The following DEPTOR variants were observed in gnomAD, a reference collection of about 807,000 sequenced individuals.
DEPTOR encodes the protein DEP domain-containing mTOR-interacting protein.
DEPTOR carries 41 observed loss-of-function variants against 41.6 expected under a neutral mutation model. The observed-to-expected ratio is 0.98, with a 90% CI of 0.77 to 1.28. DEPTOR has a LOEUF of 1.28. DEPTOR is among the 50% of genes most tolerant of loss of function. The pLI is 0.00. For missense variants in DEPTOR, 514 were observed against 527.9 expected (o/e 0.97, Z 0.26); for synonymous variants, 195 against 192.3 (o/e 1.01, Z -0.12).
chr8:120,035,496 G>A (rs1409763609), intron 8 of DEPTOR, among the ~76,000 whole-genome samples: 2 of 152,162 alleles, frequency 1.3e-5, no homozygotes, highest in African/African-American at 4.8e-5. Context: ...TTAGGTGATA[G>A]ATACCTTTCC....
At chr8:119,957,955 T>C (rs1051412622) in intron 3 of DEPTOR, among the ~76,000 whole-genome samples, 1 of 152,184 alleles carries the variant, frequency 6.6e-6, no homozygotes, top group Non-Finnish European at 1.5e-5. Flanking sequence ...GTTTATTCCC[T>C]GGAACTTCAG....
At position 119,964,235 on chromosome 8, in the gene DEPTOR, C is replaced by A. The variant is rs925562823; in HGVS notation, c.426-997C>A. Among the ~76,000 whole-genome samples, 8 of 152,060 alleles carry A rather than the reference C, an allele frequency of 5.3e-5. 1 individual carries two copies. Among genetic ancestry groups the A allele is most frequent in the South Asian group, 4.1e-4 (2 of 4,824 alleles). ...TTCACCATATGTAATTAGCACGGAC[C>A]GCTGGGCACGGTGGCTCACGCTGGT... On this transcript the variant is annotated intron_variant, in intron 3 of 8. Coordinates refer to ENST00000286234, the MANE Select transcript of DEPTOR (RefSeq NM_022783.4).
chr8:120,012,226 C>T (rs941399435), intron 8 of DEPTOR, among the ~76,000 whole-genome samples: 2 of 152,156 alleles, frequency 1.3e-5, no homozygotes, highest in African/African-American at 4.8e-5. Flanking sequence ...TAAAGTCATA[C>T]ACCACTTAAT....
At position 120,003,067 on chromosome 8, in the gene DEPTOR, CCA is replaced by C; in HGVS notation, c.883_884del (p.Thr295ProfsTer22). 1 of 1,612,986 alleles carries C rather than the reference CCA, an allele frequency of 6.2e-7. No homozygotes were observed. Among genetic ancestry groups the C allele is most frequent in the Non-Finnish European group, 8.5e-7 (1 of 1,179,838 alleles). ...AGCAGCGGCTACTTCAGCAGCAGCC[CCA>C]CCCTCAGCAGCAGCCCCCCTGTGCT... On this transcript the variant is annotated frameshift_variant, in exon 6 of 9. Transcript: ENST00000286234. LOFTEE classifies it high-confidence loss of function.
intron 3 of DEPTOR, among the ~76,000 whole-genome samples, chr8:119,961,536 G>T (rs1828492728): frequency 6.6e-6 from 1 of 152,080 alleles, no homozygotes; most frequent in South Asian, 2.1e-4. Flanking sequence ...GTTGGGCTCT[G>T]AGTCTAAAAG....
chr8:119,970,105 G>A (rs917594265), intron 4 of DEPTOR, among the ~76,000 whole-genome samples: 4 of 150,870 alleles, frequency 2.7e-5, no homozygotes, highest in African/African-American at 9.8e-5. Context: ...GTGTATTTAT[G>A]TGGATATATA....
At chr8:119,981,652 C>CA (rs33975978) in intron 4 of DEPTOR, among the ~76,000 whole-genome samples, 54,029 of 136,774 alleles carry the variant, frequency 0.4, 11,108 homozygotes, top group East Asian at 0.52. Context: ...GACCCTATCT[C>CA]AAAAAAAAAA....
At chr8:119,916,866 G>A (rs572019017) in intron 1 of DEPTOR, among the ~76,000 whole-genome samples, 13 of 152,296 alleles carry the variant, frequency 8.5e-5, no homozygotes, top group African/African-American at 1.2e-4. Flanking sequence ...TTATTTGGTC[G>A]GTTGTTTGTT....
chr8:119,994,442 C>G (rs190933221), intron 4 of DEPTOR, among the ~76,000 whole-genome samples: 4 of 152,304 alleles, frequency 2.6e-5, no homozygotes, highest in Admixed American at 2.6e-4. Flanking sequence ...AATCTAGTTA[C>G]TTCCCAAACC....
chr8:119,919,866 C>T (rs1827867860), intron 1 of DEPTOR, among the ~76,000 whole-genome samples: 1 of 152,244 alleles, frequency 6.6e-6, no homozygotes. Flanking sequence ...CCACAGTTCT[C>T]TGCAAGCTAT....
chr8:120,023,706 A>AT (rs1812756712), intron 8 of DEPTOR, among the ~76,000 whole-genome samples: 1 of 151,710 alleles, frequency 6.6e-6, no homozygotes, highest in Non-Finnish European at 1.5e-5. Flanking sequence ...AGTATTTTGG[A>AT]TTTTTTTGTT....
chr8:119,918,784 A>G (rs2129813651), intron 1 of DEPTOR, among the ~76,000 whole-genome samples: 1 of 151,870 alleles, frequency 6.6e-6, no homozygotes, highest in Admixed American at 6.6e-5. Flanking sequence ...AGTAGTGACA[A>G]GGTTTCTCCA....
chr8:119,976,115 C>G (rs1828694151), intron 4 of DEPTOR, among the ~76,000 whole-genome samples: 1 of 151,772 alleles, frequency 6.6e-6, no homozygotes, highest in Admixed American at 6.6e-5. Context: ...ACCTGCCTGG[C>G]CCTCCCAAAA....
At chr8:119,909,178 A>G (rs952017481) in intron 1 of DEPTOR, among the ~76,000 whole-genome samples, 1 of 152,210 alleles carries the variant, frequency 6.6e-6, no homozygotes, top group Non-Finnish European at 1.5e-5. Flanking sequence ...GCTCTCTAGA[A>G]TCTTAATGAT....
chr8:120,020,396 G>A (rs2130133816), intron 8 of DEPTOR, among the ~76,000 whole-genome samples: 1 of 152,064 alleles, frequency 6.6e-6, no homozygotes, highest in African/African-American at 2.4e-5. Flanking sequence ...TGTTTTTTGA[G>A]ACAGGGTCGC....
Position 119,884,544 on chromosome 8 carries a change from G to GA in DEPTOR, c.122+10584dup, listed in dbSNP as rs1221218281. 9.7e-5 allele frequency among the ~76,000 whole-genome samples: 14 copies of GA among 144,530 alleles called. 1 individual carries two copies. The highest frequency in any genetic ancestry group is 2.5e-4 in the African/African-American group (10 of 39,796). The allele number at this position is 144,530 out of a possible 152,430, so 94.8% of individuals were successfully genotyped here. A position where few individuals can be genotyped will look rare whatever the true frequency, so the allele number is the denominator to read the frequency against. ...AATATGAGAAAAGGCAATTTGCAAAGAAAAAAAATACTTTTAAAGGATTGG... is the reference window on the plus strand; with the variant it reads ...AATATGAGAAAAGGCAATTTGCAAAGAAAAAAAAATACTTTTAAAGGATTGG... On this transcript the variant is annotated intron_variant, in intron 1 of 8. Transcript: ENST00000286234.
At chr8:119,960,233 A>C (rs1295550181) in intron 3 of DEPTOR, among the ~76,000 whole-genome samples, 1 of 141,382 alleles carries the variant, frequency 7.1e-6, no homozygotes, top group Non-Finnish European at 1.6e-5. Context: ...CAAAAAAAAA[A>C]ACAAAAAACA....
At chr8:120,007,051 A>G (rs1228304724) in intron 7 of DEPTOR, among the ~76,000 whole-genome samples, 176 bp downstream of exon 7, 2 of 152,234 alleles carry the variant, frequency 1.3e-5, no homozygotes, top group African/African-American at 4.8e-5. Context: ...GTGCATTAGG[A>G]CTTCACATGC....
At chr8:119,920,533 C>G (rs991198939) in intron 1 of DEPTOR, among the ~76,000 whole-genome samples, 1 of 152,106 alleles carries the variant, frequency 6.6e-6, no homozygotes, top group Non-Finnish European at 1.5e-5. Flanking sequence ...TTATTGAAGG[C>G]AGGAAGAAGG....
Sources: allele counts gnomAD v4.1 joint callset (sites outside exome capture counted in the v4.1 genomes callset), GRCh38; gene constraint gnomAD v4.1.1; transcripts MANE v1.5; gene names NCBI Gene and HGNC (gene_info 2026-07-23, HGNC 2026-07-21).